Variants in PAWR observed in about 807,000 individuals in gnomAD.
PAWR encodes the protein PRKC apoptosis WT1 regulator protein.
In PAWR, 23 loss-of-function variants were observed where a neutral mutation model predicts 32.0. That is an observed-to-expected ratio of 0.72 (90% CI 0.52 to 1.02). PAWR has a LOEUF of 1.02. Ranked by LOEUF, PAWR falls within the 50% of genes least tolerant of loss-of-function variation. The pLI, the probability that PAWR is intolerant of heterozygous loss-of-function variation, is 0.00. For missense variants in PAWR, 457 were observed against 437.7 expected (o/e 1.04, Z -0.39); for synonymous variants, 226 against 187.1 (o/e 1.21, Z -1.70).
rs1873464924 is a variant in PAWR, at chr12:79,588,899, TAGCATGGGGGG to T, written c.*3697_*3707del. On this transcript the variant is annotated 3_prime_UTR_variant, in exon 7 of 7. Transcript: ENST00000328827. ...AACTTCCATATATCCAGGAGAAACT[TAGCATGGGGGG>T]AGGTGCCTTAGTTGATGTGCCTGAT... 1 of 151,962 alleles carries T rather than the reference TAGCATGGGGGG, an allele frequency of 6.6e-6. No homozygotes were observed. Among genetic ancestry groups the T allele is most frequent in the Non-Finnish European group, 1.5e-5 (1 of 67,880 alleles). The allele number at this position is 151,962 out of a possible 1,614,324, so 9.4% of individuals were successfully genotyped here.
chr12:79,690,441 C>T (rs1472131080), intron 1 of PAWR, 50 bp from the exon 2 acceptor site: 19 of 1,200,374 alleles, frequency 1.6e-5, no homozygotes, highest in Admixed American at 3.9e-5. Context: ...AAGATCCCCG[C>T]CCGACCCAAG....
chr12:79,645,069 A>ACACACACACACACACACAC (rs1220453183), intron 2 of PAWR, among the ~76,000 whole-genome samples: 7 of 124,778 alleles, frequency 5.6e-5, no homozygotes, highest in East Asian at 2.3e-4. Context: ...CACACACACA[A>ACACACACACACACACACAC]AAATCAATGT....
intron 3 of PAWR, among the ~76,000 whole-genome samples, chr12:79,620,494 TGAA>T (rs1404630042): frequency 6.6e-5 from 10 of 152,182 alleles, no homozygotes; most frequent in East Asian, 1.9e-4. Flanking sequence ...CTGAGCAGAA[TGAA>T]GAAGATTTCT....
intron 4 of PAWR, among the ~76,000 whole-genome samples, chr12:79,608,270 G>T (rs1029212682): frequency 2.0e-4 from 31 of 152,192 alleles, no homozygotes; most frequent in African/African-American, 7.5e-4. Flanking sequence ...ACAGGGAACA[G>T]TTTCATAGAA....
Position 79,613,586 on chromosome 12 carries a change from G to A in PAWR, c.672C>T (p.Gly224=). ...LLQEPPRTVS[G]RYKSTTSVSE... ...ATAAGGATTCTTACCTTTTATATCT[G>A]CCTGAAACTGTTCTAGGTGGCTCCT... Residue 224 remains glycine (G), a synonymous_variant, in exon 4 of 7, where the codon GGC becomes GGT. Coordinates refer to ENST00000328827, the MANE Select transcript of PAWR (RefSeq NM_002583.4). 1.3e-6 allele frequency: 2 copies of A among 1,540,670 alleles called. No homozygotes were observed. Among genetic ancestry groups the A allele is most frequent in the South Asian group, 1.2e-5 (1 of 85,268 alleles).
At chr12:79,678,286 A>G (rs1191144766) in intron 2 of PAWR, among the ~76,000 whole-genome samples, 2 of 152,254 alleles carry the variant, frequency 1.3e-5, no homozygotes, top group Non-Finnish European at 2.9e-5. Flanking sequence ...GGAAGTACCC[A>G]GTCAACAATA....
intron 2 of PAWR, among the ~76,000 whole-genome samples, chr12:79,669,295 G>A (rs1367685955): frequency 6.6e-6 from 1 of 152,166 alleles, no homozygotes; most frequent in Non-Finnish European, 1.5e-5. Flanking sequence ...TTAAGAATTA[G>A]AGAGGCCTCA....
chr12:79,690,476 T>C, intron 1 of PAWR, 85 bp from the exon 2 acceptor site: 1 of 838,192 alleles, frequency 1.2e-6, no homozygotes, highest in Non-Finnish European at 1.6e-6. Context: ...CTGCGCCCCT[T>C]GGAGTCCTCG....
chr12:79,667,827 T>C (rs1201575176), intron 2 of PAWR, among the ~76,000 whole-genome samples: 2 of 151,734 alleles, frequency 1.3e-5, no homozygotes, highest in African/African-American at 2.4e-5. Flanking sequence ...AAATTAAAAA[T>C]AACTGAAGCT....
intron 4 of PAWR, among the ~76,000 whole-genome samples, chr12:79,608,819 TGAACTAC>T (rs1258956797): frequency 1.3e-5 from 2 of 151,762 alleles, no homozygotes; most frequent in Non-Finnish European, 2.9e-5. Flanking sequence ...CTGAGGTGGG[TGAACTAC>T]TTGAGATCAG....
rs78601136 is a variant in PAWR at position 79,657,421 on chromosome 12, A to T, written c.516+32308T>A. Among the ~76,000 whole-genome samples the T allele has an allele frequency of 0.016, 2,250 of 142,032 alleles. 95 individuals are homozygous for T. In the East Asian group the frequency reaches 0.17, roughly 10 times the overall value. 93.2% of individuals were successfully genotyped at this position (142,032 alleles called of 152,430 possible). A position where few individuals can be genotyped will look rare whatever the true frequency, so the allele number is the denominator to read the frequency against. On this transcript the variant is annotated intron_variant, in intron 2 of 6. Transcript: ENST00000328827. The stretch of plus-strand genomic sequence containing the variant: ...AGGTCACCTACACTTCAATATATTT[A>T]AAAAAAAAAAAACTATCAGGATACA...
chr12:79,606,090 C>CA (rs927652772), intron 4 of PAWR, among the ~76,000 whole-genome samples: 17 of 151,840 alleles, frequency 1.1e-4, no homozygotes, highest in African/African-American at 3.6e-4. Flanking sequence ...AACAAACAAA[C>CA]AAAAAAACCC....
chr12:79,639,739 T>A (rs1876186620), intron 2 of PAWR, among the ~76,000 whole-genome samples: 1 of 151,654 alleles, frequency 6.6e-6, no homozygotes, highest in Non-Finnish European at 1.5e-5. Flanking sequence ...TAACTGGCAA[T>A]TAGCAGTAGT....
chr12:79,657,455 C>G (rs1396467042), intron 2 of PAWR, among the ~76,000 whole-genome samples: 2 of 151,574 alleles, frequency 1.3e-5, no homozygotes, highest in Admixed American at 1.3e-4. Flanking sequence ...CATATAGTAA[C>G]TAAGTTAAGG....
rs2136666785 is a variant in PAWR at position 79,588,995 on chromosome 12, A to G, written c.*3612T>C. On this transcript the variant is annotated 3_prime_UTR_variant, in exon 7 of 7. Transcript: ENST00000328827. ...TTCGGCTTAATGTAACAACAAAAGA[A>G]AGTTGTCACACTACCTCTCAGATAA... The G allele has an allele frequency of 6.6e-6, 1 of 152,120 alleles. No homozygotes were observed. Among genetic ancestry groups the G allele is most frequent in the Non-Finnish European group, 1.5e-5 (1 of 67,880 alleles). The allele number at this position is 152,120 out of a possible 1,614,324, so 9.4% of individuals were successfully genotyped here.
intron 4 of PAWR, among the ~76,000 whole-genome samples, chr12:79,600,422 G>A (rs1259694853): frequency 8.7e-5 from 13 of 150,088 alleles, no homozygotes; most frequent in South Asian, 2.1e-4. Flanking sequence ...TTTATGGGAC[G>A]AGAAGAAGTG....
At chr12:79,635,016 T>C (rs908884554) in intron 2 of PAWR, among the ~76,000 whole-genome samples, 11 of 152,144 alleles carry the variant, frequency 7.2e-5, no homozygotes, top group Admixed American at 6.6e-4. Context: ...ACTTACTATA[T>C]TGCTCTGTAC....
At chr12:79,678,297 C>T (rs1405755362) in intron 2 of PAWR, among the ~76,000 whole-genome samples, 1 of 152,326 alleles carries the variant, frequency 6.6e-6, no homozygotes, top group East Asian at 1.9e-4. Context: ...GTCAACAATA[C>T]TGAACAGCAG....
rs775673039 is a variant in PAWR, at chr12:79,587,894, T to G, written c.*4713A>C. 8.7e-5 allele frequency: 10 copies of G among 115,310 alleles called. No homozygotes were observed. Among genetic ancestry groups the G allele is most frequent in the Admixed American group, 3.8e-4 (4 of 10,488 alleles). 7.1% of individuals were successfully genotyped at this position (115,310 alleles called of 1,614,324 possible). A position where few individuals can be genotyped will look rare whatever the true frequency, so the allele number is the denominator to read the frequency against. On this transcript the variant is annotated 3_prime_UTR_variant, in exon 7 of 7. Transcript: ENST00000328827. Reference sequence around the variant, plus strand: ...TATTCCACAATAAAAACCTATGAAATGGGAATGATCAAAGCTGTCTAACAC... The same window carrying G: ...TATTCCACAATAAAAACCTATGAAAGGGGAATGATCAAAGCTGTCTAACAC...
Sources: allele counts gnomAD v4.1 joint callset (sites outside exome capture counted in the v4.1 genomes callset), GRCh38; gene constraint gnomAD v4.1.1; transcripts MANE v1.5; gene names NCBI Gene and HGNC (gene_info 2026-07-23, HGNC 2026-07-21).